Variants in TRMT11 observed in about 807,000 individuals in gnomAD.
TRMT11 encodes tRNA methyltransferase 11.
Under a neutral mutation model 62.8 loss-of-function variants are expected in TRMT11, and 53 were observed. The ratio of observed to expected loss-of-function variants is 0.84; its 90% CI spans 0.68 to 1.06. The LOEUF (loss-of-function observed/expected upper bound fraction) is 1.06. TRMT11 is among the 50% of genes least tolerant of loss of function. TRMT11 has a pLI of 0.00. For synonymous variants in TRMT11, 188 were observed against 190.3 expected, an observed-to-expected ratio of 0.99 and a Z score of 0.10; for missense variants, 556 against 553.4, an observed-to-expected ratio of 1.00 and a Z score of -0.05.
chr6:126,047,023 C>G (rs1012467830), intron 16 of TRMT11, among the ~76,000 whole-genome samples: 2 of 151,934 alleles, frequency 1.3e-5, no homozygotes, highest in African/African-American at 2.4e-5. Context: ...AAAGGAGATA[C>G]CCTTCATCCA....
the TRMT11 span, among the ~76,000 whole-genome samples, chr6:126,234,225 T>C: frequency 2.6e-5 from 4 of 152,192 alleles, no homozygotes; most frequent in African/African-American, 7.2e-5. Context: ...GCATTAGCTG[T>C]GGGAGGCCCT....
At chr6:126,021,761 C>G (rs1467101638) in intron 12 of TRMT11, among the ~76,000 whole-genome samples, 1 of 152,216 alleles carries the variant, frequency 6.6e-6, no homozygotes, top group Non-Finnish European at 1.5e-5. Context: ...AATTCTTACT[C>G]TCTTACATTC....
At chr6:126,093,585 G>GTATATATATA (rs56176946) in intron 17 of TRMT11, among the ~76,000 whole-genome samples, 690 of 46,612 alleles carry the variant, frequency 0.015, 49 homozygotes, top group Non-Finnish European at 0.02. Context: ...GGATATGTAT[G>GTATATATATA]TATATATATA....
In TRMT11 at chr6:125,992,585, A is replaced by G. The variant is rs1457609064; in HGVS notation, c.73-1172A>G. On this transcript the variant is annotated intron_variant, in intron 1 of 12. Transcript: ENST00000334379. ...CTAGGTTCTATGCTTCTCTCTTTAT[A>G]GTTCACCTAACCTGATGAGGTAGCT... is the stretch of plus-strand genomic sequence containing the variant. 2.0e-5 allele frequency among the ~76,000 whole-genome samples: 3 copies of G among 152,296 alleles called. No homozygotes were observed. In the East Asian group the frequency reaches 5.8e-4, roughly 29 times the overall value.
chr6:126,064,485 A>G (rs1776629094), intron 17 of TRMT11, among the ~76,000 whole-genome samples: 1 of 152,152 alleles, frequency 6.6e-6, no homozygotes, highest in Admixed American at 6.5e-5. Context: ...GGCAGGAGCT[A>G]TTAGATCACA....
intron 17 of TRMT11, among the ~76,000 whole-genome samples, chr6:126,112,415 G>A (rs530925254): frequency 2.6e-5 from 4 of 152,148 alleles, no homozygotes; most frequent in African/African-American, 9.6e-5. Flanking sequence ...TTTTTTGAAG[G>A]GTTTTCTATT....
At chr6:126,053,769 G>A (rs1258428654) in intron 17 of TRMT11, among the ~76,000 whole-genome samples, 1 of 151,990 alleles carries the variant, frequency 6.6e-6, no homozygotes. Context: ...TGATCTGTTG[G>A]TCTCACCATA....
chr6:126,200,592 C>T (rs1027858828), intron 3 of TRMT11, among the ~76,000 whole-genome samples: 1 of 152,132 alleles, frequency 6.6e-6, no homozygotes, highest in Non-Finnish European at 1.5e-5. Context: ...CTTGCTCTGT[C>T]GCCCAGGCTG....
At chr6:126,224,196 C>T in the TRMT11 span, among the ~76,000 whole-genome samples, 11 of 152,300 alleles carry the variant, frequency 7.2e-5, no homozygotes, top group Admixed American at 1.3e-4. Context: ...TTAGTGCAGT[C>T]GTTGGAAGGT....
At chr6:126,022,837 A>G (rs999368986) in intron 12 of TRMT11, among the ~76,000 whole-genome samples, 3 of 152,234 alleles carry the variant, frequency 2.0e-5, no homozygotes, top group African/African-American at 7.2e-5. Context: ...GTATAGGTAT[A>G]TGTGGTGTAA....
intron 21 of TRMT11, among the ~76,000 whole-genome samples, chr6:126,126,886 A>C (rs1251024915): frequency 6.6e-6 from 1 of 152,126 alleles, no homozygotes; most frequent in Non-Finnish European, 1.5e-5. Flanking sequence ...TGAACACTGA[A>C]GTGAACTTCC....
At chr6:126,180,858 G>A (rs1439310953) in intron 1 of TRMT11, among the ~76,000 whole-genome samples, 1 of 152,158 alleles carries the variant, frequency 6.6e-6, no homozygotes, top group African/African-American at 2.4e-5. Context: ...TGATGACAAA[G>A]CCCAACTAAT....
intron 17 of TRMT11, among the ~76,000 whole-genome samples, chr6:126,078,693 C>G (rs1235780800): frequency 6.6e-6 from 1 of 152,136 alleles, no homozygotes; most frequent in Non-Finnish European, 1.5e-5. Flanking sequence ...AGGTATAAAA[C>G]TTCCGTCAAC....
intron 17 of TRMT11, among the ~76,000 whole-genome samples, chr6:126,071,655 C>CTTTTTT (rs373236248): frequency 7.5e-6 from 1 of 133,228 alleles, no homozygotes. Flanking sequence ...GTTTGCTTTG[C>CTTTTTT]TTTTTTTTTT....
intron 17 of TRMT11, among the ~76,000 whole-genome samples, chr6:126,069,260 T>G (rs910858288): frequency 1.3e-5 from 2 of 152,200 alleles, no homozygotes; most frequent in Non-Finnish European, 2.9e-5. Flanking sequence ...CTTTGGAGTT[T>G]GTGATCAGGG....
intron 1 of TRMT11, among the ~76,000 whole-genome samples, chr6:126,186,319 G>A (rs1778527335): frequency 6.6e-6 from 1 of 152,032 alleles, no homozygotes; most frequent in East Asian, 1.9e-4. Flanking sequence ...TCAAGATAAA[G>A]CAGTATTCTT....
the TRMT11 span, among the ~76,000 whole-genome samples, chr6:126,262,035 G>A: frequency 6.6e-6 from 1 of 152,208 alleles, no homozygotes; most frequent in Non-Finnish European, 1.5e-5. Flanking sequence ...CTATCTGCCT[G>A]TAGAGGCAGC....
chr6:126,065,172 T>C (rs1776653025), intron 17 of TRMT11, among the ~76,000 whole-genome samples: 1 of 152,188 alleles, frequency 6.6e-6, no homozygotes, highest in Non-Finnish European at 1.5e-5. Flanking sequence ...ACTTTTTCTT[T>C]TATTGTTAGG....
intron 7 of TRMT11, among the ~76,000 whole-genome samples, chr6:126,007,670 C>T: frequency 6.6e-6 from 1 of 151,980 alleles, no homozygotes; most frequent in East Asian, 1.9e-4. Context: ...GATTTCTCTT[C>T]ATGCATGAGC....
Sources: allele counts gnomAD v4.1 joint callset (sites outside exome capture counted in the v4.1 genomes callset), GRCh38; gene constraint gnomAD v4.1.1; transcripts MANE v1.5; gene names NCBI Gene and HGNC (gene_info 2026-07-23, HGNC 2026-07-21).